IMMP2L: variants seen among roughly 807,000 people sequenced by gnomAD.
The protein encoded by IMMP2L is inner mitochondrial membrane peptidase subunit 2, also known as mitochondrial inner membrane protease subunit 2.
A neutral mutation model predicts 19.3 loss-of-function variants in IMMP2L; 18 were observed. The observed-to-expected ratio is 0.93, with a 90% CI of 0.64 to 1.38. The LOEUF (loss-of-function observed/expected upper bound fraction) is 1.38. Among genes scored for constraint, IMMP2L ranks in the 40% most tolerant of loss-of-function variants. IMMP2L has a pLI of 0.00. For synonymous variants in IMMP2L, 76 were observed against 73.0 expected, an observed-to-expected ratio of 1.04 and a Z score of -0.21; for missense variants, 233 against 218.2, an observed-to-expected ratio of 1.07 and a Z score of -0.43.
At chr7:111,222,123 C>T (rs1327366221) in intron 3 of IMMP2L, among the ~76,000 whole-genome samples, 1 of 152,006 alleles carries the variant, frequency 6.6e-6, no homozygotes, top group Non-Finnish European at 1.5e-5. Context: ...CAATTTCTGA[C>T]AGGTAAGACC....
intron 5 of IMMP2L, among the ~76,000 whole-genome samples, chr7:110,853,788 G>C (rs1381717953): frequency 6.6e-6 from 1 of 151,860 alleles, no homozygotes; most frequent in Non-Finnish European, 1.5e-5. Flanking sequence ...TTTTTATGTA[G>C]GTTTCTTCAC....
chr7:110,826,282 T>A (rs1489042538), intron 5 of IMMP2L, among the ~76,000 whole-genome samples: 1 of 152,214 alleles, frequency 6.6e-6, no homozygotes, highest in Non-Finnish European at 1.5e-5. Flanking sequence ...AGTGTGGCGA[T>A]TCCTCGGGGA....
chr7:111,357,790 T>C (rs1231547512), intron 3 of IMMP2L, among the ~76,000 whole-genome samples: 2 of 151,868 alleles, frequency 1.3e-5, no homozygotes, highest in East Asian at 1.9e-4. Context: ...GAAGAAATTA[T>C]ATATATATAT....
chr7:111,222,000 A>G lies in IMMP2L; in HGVS notation c.240-258435T>C, dbSNP rs115088439. 6.6e-3 allele frequency among the ~76,000 whole-genome samples: 1,008 copies of G among 152,000 alleles called. 20 individuals are homozygous for G. Among genetic ancestry groups the G allele is most frequent in the African/African-American group, 0.023 (962 of 41,456 alleles). ...ACAGTCAGCAGGGGGATGATGGGGG[A>G]AAAGTAAATCCCTACCCAAGACTAA... On this transcript the variant is annotated intron_variant, in intron 3 of 5. Coordinates refer to ENST00000405709, the MANE Select transcript of IMMP2L (RefSeq NM_032549.4).
intron 4 of IMMP2L, among the ~76,000 whole-genome samples, chr7:110,905,850 C>A (rs972005148): frequency 6.6e-6 from 1 of 152,086 alleles, no homozygotes; most frequent in South Asian, 2.1e-4. Flanking sequence ...AATCATAACA[C>A]TGAATTATAA....
At chr7:111,395,496 G>T (rs940288545) in intron 3 of IMMP2L, among the ~76,000 whole-genome samples, 7 of 152,076 alleles carry the variant, frequency 4.6e-5, no homozygotes, top group Non-Finnish European at 1.0e-4. Context: ...GCTAGTATAA[G>T]AAATATCTAC....
intron 1 of IMMP2L, among the ~76,000 whole-genome samples, chr7:111,531,403 C>T (rs1847385728): frequency 6.6e-6 from 1 of 151,946 alleles, no homozygotes; most frequent in Admixed American, 6.6e-5. Context: ...TGGCTCAGGC[C>T]ATCCTAATCC....
At chr7:111,441,357 T>C (rs1431273600) in intron 3 of IMMP2L, among the ~76,000 whole-genome samples, 2 of 151,704 alleles carry the variant, frequency 1.3e-5, no homozygotes, top group Non-Finnish European at 2.9e-5. Flanking sequence ...ACACTTGCCA[T>C]TGTAGGGTTA....
intron 4 of IMMP2L, among the ~76,000 whole-genome samples, chr7:110,933,801 AATG>A (rs1815768089): frequency 6.6e-6 from 1 of 152,128 alleles, no homozygotes. Flanking sequence ...TTTTCCTATT[AATG>A]ATGAAAACAA....
chr7:111,531,821 T>C (rs1163080173), intron 1 of IMMP2L, among the ~76,000 whole-genome samples: 2 of 152,168 alleles, frequency 1.3e-5, no homozygotes, highest in African/African-American at 4.8e-5. Flanking sequence ...TAGAGGATAC[T>C]TTTCACCATA....
At chr7:110,989,782 T>G (rs1417170523) in intron 3 of IMMP2L, among the ~76,000 whole-genome samples, 1 of 151,672 alleles carries the variant, frequency 6.6e-6, no homozygotes, top group Non-Finnish European at 1.5e-5. Flanking sequence ...CCCTCACATA[T>G]CTGATGGGCA....
intron 5 of IMMP2L, among the ~76,000 whole-genome samples, chr7:110,882,287 G>GCCTT (rs111710073): frequency 0.092 from 11,225 of 121,804 alleles, 723 homozygotes; most frequent in Middle Eastern, 0.18. Flanking sequence ...TTTGTCAAGT[G>GCCTT]CCTTCCTTCC....
intron 3 of IMMP2L, among the ~76,000 whole-genome samples, chr7:111,026,585 A>C (rs529636862): frequency 1.1e-4 from 17 of 152,274 alleles, no homozygotes; most frequent in Admixed American, 1.1e-3. Flanking sequence ...GGAAATTCCA[A>C]CACCAATGTA....
At chr7:110,855,244 T>A (rs995072151) in intron 5 of IMMP2L, among the ~76,000 whole-genome samples, 1 of 151,974 alleles carries the variant, frequency 6.6e-6, no homozygotes, top group African/African-American at 2.4e-5. Flanking sequence ...TAATGGATAA[T>A]CAAAGTTATA....
In IMMP2L at chr7:111,124,577, A is replaced by G. The variant is rs1197296383; in HGVS notation, c.240-161012T>C. The stretch of plus-strand genomic sequence containing the variant: ...GATATTCCCACCATCTATCAGAAAA[A>G]CAGAAAAAAATGTGTAAATGTCACC... On this transcript the variant is annotated intron_variant, in intron 3 of 5. Coordinates refer to ENST00000405709, the MANE Select transcript of IMMP2L (RefSeq NM_032549.4). The G allele has an allele frequency of 6.8e-6, 11 of 1,613,798 alleles. No individual in the cohort carries two copies. The Admixed American group carries it at 1.7e-4, about 24-fold the overall frequency.
rs113469943 is a variant in IMMP2L at position 110,924,452 on chromosome 7, T to G, written c.306-37757A>C. Among the ~76,000 whole-genome samples the G allele has an allele frequency of 4.8e-3, 736 of 152,172 alleles. 7 individuals are homozygous for G. The highest frequency in any genetic ancestry group is 0.016 in the African/African-American group (681 of 41,530). On this transcript the variant is annotated intron_variant, in intron 4 of 5. Coordinates refer to ENST00000405709, the MANE Select transcript of IMMP2L (RefSeq NM_032549.4). The surrounding 1 kb of genome is among the most constrained non-coding windows in gnomAD (Gnocchi z 4.2). The stretch of plus-strand genomic sequence containing the variant: ...AAAGGGGCCCCATCCTTCTGGCCAG[T>G]CACAAGGTCCTCTTGCTGCAGGTAC...
At chr7:111,304,670 ATGTGTGTGTGTGTG>A (rs147788856) in intron 3 of IMMP2L, among the ~76,000 whole-genome samples, 104 of 126,060 alleles carry the variant, frequency 8.3e-4, no homozygotes, top group African/African-American at 2.4e-3. Context: ...CACATATATA[ATGTGTGTGTGTGTG>A]TGTGTGTGTG....
rs1287085929 is a variant in IMMP2L at position 111,213,198 on chromosome 7, TTGGAG to T, written c.240-249638_240-249634del. On this transcript the variant is annotated intron_variant, in intron 3 of 5. Coordinates refer to ENST00000405709, the MANE Select transcript of IMMP2L (RefSeq NM_032549.4). The surrounding 1 kb of genome is among the most constrained non-coding windows in gnomAD (Gnocchi z 4.8). ...CTTGCTCCCTGCACTTGCTCCGATCTTGGAGTGGAGTTGAGGCCTAGCCCGGGTGC... is the reference window on the plus strand; with the variant it reads ...CTTGCTCCCTGCACTTGCTCCGATCTTGGAGTTGAGGCCTAGCCCGGGTGC... Among the ~76,000 whole-genome samples the T allele has an allele frequency of 6.6e-6, 1 of 152,192 alleles. No homozygotes were observed. The highest frequency in any genetic ancestry group is 1.5e-5 in the Non-Finnish European group (1 of 68,036).
chr7:111,243,554 T>A (rs1815457957), intron 3 of IMMP2L, among the ~76,000 whole-genome samples: 3 of 144,746 alleles, frequency 2.1e-5, no homozygotes. Context: ...TTAGGGTACA[T>A]GTGCACATTG....
Sources: allele counts gnomAD v4.1 joint callset (sites outside exome capture counted in the v4.1 genomes callset), GRCh38; gene constraint gnomAD v4.1.1; non-coding constraint Gnocchi (gnomAD v3.1); transcripts MANE v1.5; gene names NCBI Gene and HGNC (gene_info 2026-07-23, HGNC 2026-07-21).